ITGAL: variants seen among roughly 807,000 people sequenced by gnomAD.
ITGAL encodes integrin alpha-L.
A neutral mutation model predicts 138.4 loss-of-function variants in ITGAL; 68 were observed. That is an observed-to-expected ratio of 0.49 (90% CI 0.40 to 0.60). The LOEUF is 0.60. Ranked by LOEUF, ITGAL falls within the 20% of genes least tolerant of loss-of-function variation. The pLI is 0.00. For missense variants in ITGAL, 1,256 were observed against 1,478.6 expected (o/e 0.85, Z 2.47); for synonymous variants, 561 against 584.3 (o/e 0.96, Z 0.57).
At chr16:30,488,194 CA>C (rs553242288) in intron 9 of ITGAL, among the ~76,000 whole-genome samples, 2,980 of 105,358 alleles carry the variant, frequency 0.028, 60 homozygotes, top group African/African-American at 0.087. Context: ...GACCCTGTCT[CA>C]AAAAAAAAAA....
intron 25 of ITGAL, among the ~76,000 whole-genome samples, chr16:30,514,544 T>A (rs1294021938): frequency 1.3e-5 from 2 of 152,092 alleles, no homozygotes; most frequent in Non-Finnish European, 2.9e-5. Context: ...CTCAAAGTGC[T>A]GGGATTACAG....
intron 9 of ITGAL, among the ~76,000 whole-genome samples, chr16:30,486,489 G>T (rs1200783191): frequency 6.6e-6 from 1 of 151,474 alleles, no homozygotes; most frequent in Non-Finnish European, 1.5e-5. Flanking sequence ...TAATAAAAAT[G>T]AAAAGTGATT....
intron 25 of ITGAL, among the ~76,000 whole-genome samples, chr16:30,516,025 C>A (rs1258931500): frequency 6.6e-6 from 1 of 151,956 alleles, no homozygotes; most frequent in South Asian, 2.1e-4. Flanking sequence ...AATACTGCCC[C>A]TGACATTTGG....
intron 1 of ITGAL, among the ~76,000 whole-genome samples, chr16:30,473,624 G>A (rs967640836): frequency 6.6e-6 from 1 of 152,204 alleles, no homozygotes; most frequent in South Asian, 2.1e-4. Flanking sequence ...AACTCCATGC[G>A]GGGAGAGAAA....
chr16:30,510,607 T>A (rs1208559574), intron 22 of ITGAL, 136 bp downstream of exon 22: 2 of 642,174 alleles, frequency 3.1e-6, no homozygotes, highest in African/African-American at 1.8e-5. Flanking sequence ...AAGAGAAATG[T>A]ATGTGAATCT....
chr16:30,483,764 G>A lies in ITGAL; in HGVS notation c.723-63G>A, dbSNP rs1002532877. On this transcript the variant is annotated intron_variant, in intron 7 of 30. Transcript: ENST00000356798. Reference sequence around the variant, plus strand: ...CATGGAGGTGACTTGATGAGCAGGTGGGGAAAGAGACCTCAGGCCCTAGTT... The same window carrying A: ...CATGGAGGTGACTTGATGAGCAGGTAGGGAAAGAGACCTCAGGCCCTAGTT... The A allele has an allele frequency of 5.2e-6, 8 of 1,531,020 alleles. No individual in the cohort carries two copies. The African/African-American group carries it at 1.1e-4, about 21-fold the overall frequency. The allele number at this position is 1,531,020 out of a possible 1,614,324, so 94.8% of individuals were successfully genotyped here.
chr16:30,502,680 G>A (rs909515987), intron 17 of ITGAL, among the ~76,000 whole-genome samples: 6 of 151,658 alleles, frequency 4.0e-5, no homozygotes, highest in African/African-American at 1.2e-4. Flanking sequence ...CCCAGGAGGC[G>A]GAGGTTGCAG....
In ITGAL at chr16:30,496,471, G is replaced by A. The variant is rs749918512; in HGVS notation, c.1737G>A (p.Gln579=). 13 of 1,614,018 alleles carry A rather than the reference G, an allele frequency of 8.1e-6. No individual in the cohort carries two copies. The highest frequency in any genetic ancestry group is 1.1e-5 in the Non-Finnish European group (13 of 1,180,000). ...GGACCCAAGTGCTCTCAGGAATTCA[G>A]TGGTTTGGACGCTCCATCCATGGGG... ...IEGTQVLSGI[Q]WFGRSIHGVK... Residue 579 remains glutamine (Q), a synonymous_variant, in exon 15 of 31, where the codon CAG becomes CAA. Transcript: ENST00000356798.
rs2050412864 is a variant in ITGAL at position 30,472,811 on chromosome 16, G to T, written c.-27G>T. 1.2e-6 allele frequency: 2 copies of T among 1,609,052 alleles called. No homozygotes were observed. The highest frequency in any genetic ancestry group is 1.7e-6 in the Non-Finnish European group (2 of 1,177,530). On this transcript the variant is annotated 5_prime_UTR_variant, in exon 1 of 31. Coordinates refer to ENST00000356798, the MANE Select transcript of ITGAL (RefSeq NM_002209.3). ...CGGGCCTCCTGACGCTGCCCCTGGG[G>T]CCACAGGTCCCTCGAGTGCTGGAAG...
intron 4 of ITGAL, among the ~76,000 whole-genome samples, chr16:30,475,886 G>A (rs1053392655): frequency 4.6e-5 from 7 of 151,452 alleles, no homozygotes; most frequent in African/African-American, 1.7e-4. Context: ...CAATTAGCTG[G>A]GACTATAGGC....
Position 30,521,982 on chromosome 16 carries a change from C to T in ITGAL, c.*317C>T, listed in dbSNP as rs2051261151. The T allele has an allele frequency of 3.4e-6, 1 of 295,890 alleles. No individual in the cohort carries two copies. The highest frequency in any genetic ancestry group is 7.2e-5 in the East Asian group (1 of 13,870). The allele number at this position is 295,890 out of a possible 1,614,324, so 18.3% of individuals were successfully genotyped here. On this transcript the variant is annotated 3_prime_UTR_variant, in exon 31 of 31. Coordinates refer to ENST00000356798, the MANE Select transcript of ITGAL (RefSeq NM_002209.3). ...ATGTGGAGAAACTGTAGTCTCAGGA[C>T]CTAGGGATGTTCTGGCCCTCACCCC...
At chr16:30,504,346 A>G in intron 18 of ITGAL, 82 bp downstream of exon 18, 1 of 1,042,662 alleles carries the variant, frequency 9.6e-7, no homozygotes, top group Non-Finnish European at 1.5e-6. Flanking sequence ...GCCGGGCAGC[A>G]CACTCCTATA....
At chr16:30,480,079 G>A (rs962489530) in intron 6 of ITGAL, among the ~76,000 whole-genome samples, 5 of 151,964 alleles carry the variant, frequency 3.3e-5, no homozygotes, top group Non-Finnish European at 7.4e-5. Context: ...CTACCCATGT[G>A]CACCACTGTG....
intron 17 of ITGAL, among the ~76,000 whole-genome samples, chr16:30,502,429 A>G (rs1275441652): frequency 6.9e-6 from 1 of 145,234 alleles, no homozygotes; most frequent in Non-Finnish European, 1.5e-5. Context: ...AAGGATTGAT[A>G]TCAAATTGTT....
At chr16:30,478,367 T>G (rs1427474270) in intron 4 of ITGAL, among the ~76,000 whole-genome samples, 557 of 94,306 alleles carry the variant, frequency 5.9e-3, no homozygotes, top group Middle Eastern at 9.3e-3. Flanking sequence ...AGAAAGAAAG[T>G]GGGGGGCGGA....
At chr16:30,517,748 A>C (rs2051190939) in intron 27 of ITGAL, 43 bp downstream of exon 27, 3 of 1,612,684 alleles carry the variant, frequency 1.9e-6, no homozygotes, top group Non-Finnish European at 2.5e-6. Context: ...TGGGCGGTAC[A>C]CGGGTCGGAA....
At chr16:30,504,493 A>G (rs921166128) in intron 18 of ITGAL, among the ~76,000 whole-genome samples, 3 of 152,102 alleles carry the variant, frequency 2.0e-5, no homozygotes, top group Non-Finnish European at 4.4e-5. Context: ...ACTTGAGGCC[A>G]GGAGTTTGAG....
At position 30,479,187 on chromosome 16, in the gene ITGAL, C is replaced by A. The variant is rs1376583382; in HGVS notation, c.424C>A (p.Gln142Lys). ...CCAGAATCTGCAGGGTCCCATGCTG[C>A]AGGGGCGCCCTGGTTTTCAGGGTAA... is the stretch of plus-strand genomic sequence containing the variant. ...FRQNLQGPMLQGRPGFQECIK... is the reference protein window; with the variant it reads ...FRQNLQGPMLKGRPGFQECIK... The change falls in exon 5 of 31, where the codon CAG (glutamine) becomes AAG (lysine). Residue 142 changes from glutamine (Q) to lysine (K), a missense_variant. Gln to Lys is a moderately conservative substitution (Grantham distance 53). Transcript: ENST00000356798. 1 of 1,613,972 alleles carries A rather than the reference C, an allele frequency of 6.2e-7. No homozygotes were observed. Among genetic ancestry groups the A allele is most frequent in the East Asian group, 2.2e-5 (1 of 44,894 alleles).
At position 30,483,854 on chromosome 16, in the gene ITGAL, G is replaced by A. The variant is rs775326836; in HGVS notation, c.750G>A (p.Gly250=). ...CAGAGGTGTTCCGGGAGGAGCTGGG[G>A]GCCCGGCCAGATGCCACCAAAGTGC... is the stretch of plus-strand genomic sequence containing the variant. The part of the protein sequence containing the change: ...VATEVFREEL[G]ARPDATKVLI... The change falls in exon 8 of 31, where the codon GGG becomes GGA. Residue 250 remains glycine, a synonymous_variant. Coordinates refer to ENST00000356798, the MANE Select transcript of ITGAL (RefSeq NM_002209.3). The A allele has an allele frequency of 1.9e-6, 3 of 1,613,862 alleles. No homozygotes were observed. The highest frequency in any genetic ancestry group is 1.7e-5 in the Admixed American group (1 of 59,968).
Sources: allele counts gnomAD v4.1 joint callset (sites outside exome capture counted in the v4.1 genomes callset), GRCh38; gene constraint gnomAD v4.1.1; transcripts MANE v1.5; gene names NCBI Gene and HGNC (gene_info 2026-07-23, HGNC 2026-07-21).